Variants in PAK5 observed in about 807,000 individuals in gnomAD.
The protein encoded by PAK5 is p21 (RAC1) activated kinase 5, also known as serine/threonine-protein kinase PAK 5.
A neutral mutation model predicts 65.9 loss-of-function variants in PAK5; 16 were observed. The ratio of observed to expected loss-of-function variants is 0.24; its 90% CI spans 0.16 to 0.37. PAK5 has a LOEUF of 0.37. Ranked by LOEUF, PAK5 falls within the 10% of genes least tolerant of loss-of-function variation. The pLI, the probability that PAK5 is intolerant of heterozygous loss-of-function variation, is 1.00. For synonymous variants in PAK5, 371 were observed against 354.9 expected (o/e 1.05, Z -0.51); for missense variants, 785 against 903.9 (o/e 0.87, Z 1.69).
chr20:9,667,235 C>T (rs1184572410), intron 2 of PAK5, among the ~76,000 whole-genome samples: 1 of 152,084 alleles, frequency 6.6e-6, no homozygotes, highest in Non-Finnish European at 1.5e-5. Context: ...TGAGATCGCA[C>T]CATTGCACTC....
At chr20:9,575,233 T>A (rs539308343) in intron 4 of PAK5, among the ~76,000 whole-genome samples, 2 of 152,278 alleles carry the variant, frequency 1.3e-5, no homozygotes, top group South Asian at 4.1e-4. Context: ...CTCACTCTGT[T>A]GCCTAGGCTG....
intron 2 of PAK5, among the ~76,000 whole-genome samples, chr20:9,658,073 A>G (rs1021232432): frequency 7.2e-5 from 11 of 152,348 alleles, no homozygotes; most frequent in African/African-American, 2.6e-4. Flanking sequence ...GGTTTCCCCA[A>G]ACAGATACTG....
chr20:9,717,183 T>G (rs549747100), intron 1 of PAK5, among the ~76,000 whole-genome samples: 1 of 152,296 alleles, frequency 6.6e-6, no homozygotes, highest in African/African-American at 2.4e-5. Flanking sequence ...ATGCATATTT[T>G]AACAAAAGGT....
chr20:9,702,745 G>A (rs1299767150), intron 2 of PAK5, among the ~76,000 whole-genome samples: 1 of 152,110 alleles, frequency 6.6e-6, no homozygotes, highest in African/African-American at 2.4e-5. Flanking sequence ...TTAGATCCCT[G>A]TGGCTCAAGG....
At chr20:9,739,852 TC>T (rs1339910354) in intron 1 of PAK5, among the ~76,000 whole-genome samples, 5 of 152,172 alleles carry the variant, frequency 3.3e-5, no homozygotes, top group African/African-American at 1.2e-4. Context: ...CAATTTGGAA[TC>T]AGTTAAGATA....
chr20:9,753,679 A>T (rs1277059457), intron 1 of PAK5, among the ~76,000 whole-genome samples: 17 of 152,182 alleles, frequency 1.1e-4, no homozygotes, highest in Admixed American at 1.1e-3. Flanking sequence ...ATCCTAATCA[A>T]AAAGCTAACA....
At chr20:9,687,886 GGTGTGTGTGTGT>G (rs111641971) in intron 2 of PAK5, among the ~76,000 whole-genome samples, 2 of 148,626 alleles carry the variant, frequency 1.3e-5, no homozygotes, top group Non-Finnish European at 3.0e-5. Flanking sequence ...AAGAGAGGGA[GGTGTGTGTGTGT>G]GTGTGTGTGT....
chr20:9,707,451 T>G (rs943768951), intron 2 of PAK5, among the ~76,000 whole-genome samples: 3 of 152,252 alleles, frequency 2.0e-5, no homozygotes, highest in African/African-American at 4.8e-5. Context: ...AGGGAATACC[T>G]ACTTACTCTG....
intron 2 of PAK5, among the ~76,000 whole-genome samples, chr20:9,670,421 T>C (rs968844130): frequency 5.3e-5 from 8 of 152,302 alleles, no homozygotes; most frequent in African/African-American, 1.9e-4. Context: ...CTCCACATCC[T>C]CTCCAGCACC....
At chr20:9,770,823 A>T (rs1284168909) in intron 1 of PAK5, among the ~76,000 whole-genome samples, 1 of 152,192 alleles carries the variant, frequency 6.6e-6, no homozygotes, top group Non-Finnish European at 1.5e-5. Flanking sequence ...ATGAGCCCTC[A>T]AGAAGTTATC....
intron 2 of PAK5, among the ~76,000 whole-genome samples, chr20:9,691,470 C>T (rs1465548525): frequency 6.6e-6 from 1 of 152,152 alleles, no homozygotes. Context: ...TTTCAACCAC[C>T]ATCCAGTCTG....
chr20:9,770,793 G>A (rs1444214804), intron 1 of PAK5, among the ~76,000 whole-genome samples: 4 of 152,148 alleles, frequency 2.6e-5, no homozygotes, highest in Non-Finnish European at 1.5e-5. Flanking sequence ...AATCGTTGGA[G>A]TTGAGGCCCT....
At chr20:9,676,617 C>T (rs577502872) in intron 2 of PAK5, among the ~76,000 whole-genome samples, 1 of 152,208 alleles carries the variant, frequency 6.6e-6, no homozygotes, top group African/African-American at 2.4e-5. Context: ...GGGACTTGTT[C>T]TGAATTCTGA....
intron 3 of PAK5, among the ~76,000 whole-genome samples, chr20:9,609,223 T>G (rs1195190124): frequency 2.6e-5 from 4 of 152,158 alleles, no homozygotes; most frequent in African/African-American, 9.7e-5. Context: ...CCCAGTTCAG[T>G]GGCTGTAATT....
chr20:9,739,126 A>T (rs2048422896), intron 1 of PAK5, among the ~76,000 whole-genome samples: 1 of 151,990 alleles, frequency 6.6e-6, no homozygotes, highest in Non-Finnish European at 1.5e-5. Flanking sequence ...TATTTACAAT[A>T]CTCTGTAATA....
chr20:9,825,696 A>ACTCT, intron 1 of PAK5, among the ~76,000 whole-genome samples: 1 of 152,228 alleles, frequency 6.6e-6, no homozygotes, highest in South Asian at 2.1e-4. Context: ...ATATCTCTAA[A>ACTCT]CTCTATACTT....
chr20:9,603,003 A>G (rs563444053), intron 3 of PAK5, among the ~76,000 whole-genome samples: 1 of 152,356 alleles, frequency 6.6e-6, no homozygotes, highest in Non-Finnish European at 1.5e-5. Flanking sequence ...TTGATGTGAA[A>G]GCCAAGTTGA....
At chr20:9,669,380 TTTTTAAC>T (rs2047462835) in intron 2 of PAK5, among the ~76,000 whole-genome samples, 1 of 152,188 alleles carries the variant, frequency 6.6e-6, no homozygotes, top group African/African-American at 2.4e-5. Context: ...TGAATTTCCC[TTTTTAAC>T]TTTTATTTTA....
At chr20:9,640,668 G>C (rs1452203712) in intron 3 of PAK5, among the ~76,000 whole-genome samples, 1 of 152,168 alleles carries the variant, frequency 6.6e-6, no homozygotes, top group African/African-American at 2.4e-5. Context: ...TCTGGAGTCT[G>C]TCTCTTCTGA....
Sources: gnomAD v4.1 joint callset for allele counts (sites outside exome capture counted in the v4.1 genomes callset) on GRCh38, gnomAD v4.1.1 for gene constraint, MANE v1.5 for transcripts, NCBI Gene and HGNC (gene_info 2026-07-23, HGNC 2026-07-21) for gene names.